Variants in SPATA13 observed in about 807,000 individuals in gnomAD.
The protein encoded by SPATA13 is spermatogenesis-associated protein 13.
SPATA13 carries 50 observed loss-of-function variants against 104.0 expected under a neutral mutation model. That is an observed-to-expected ratio of 0.48 (90% CI 0.38 to 0.61). The LOEUF (loss-of-function observed/expected upper bound fraction) is 0.61. Among genes scored for constraint, SPATA13 ranks in the 20% least tolerant of loss-of-function variants. The probability of loss-of-function intolerance (pLI) is 0.00; values close to 1 mark genes in which losing one functional copy is unlikely to be tolerated. For missense variants in SPATA13, 1,524 were observed against 1,690.6 expected (o/e 0.90, Z 1.73); for synonymous variants, 606 against 667.5 (o/e 0.91, Z 1.42).
intron 3 of SPATA13, among the ~76,000 whole-genome samples, chr13:24,102,147 T>G (rs988918792): frequency 6.6e-6 from 1 of 152,226 alleles, no homozygotes; most frequent in Non-Finnish European, 1.5e-5. Context: ...CAGTTGTTAT[T>G]TTCTGTTTTT....
At chr13:24,014,922 G>A (rs930895582) in intron 2 of SPATA13, among the ~76,000 whole-genome samples, 1 of 125,764 alleles carries the variant, frequency 8.0e-6, no homozygotes, top group East Asian at 2.2e-4. Context: ...ACAGAGTCTC[G>A]CTGTGTCGCC....
At position 24,286,828 on chromosome 13, in the gene SPATA13, G is replaced by A. The variant is rs528255708; in HGVS notation, c.2545G>A (p.Glu849Lys). 6.8e-6 allele frequency: 11 copies of A among 1,613,682 alleles called. No individual in the cohort carries two copies. In the East Asian group the frequency reaches 8.9e-5, roughly 13 times the overall value. Residue 849 changes from glutamate to lysine, a missense_variant, in exon 7 of 13, where the codon GAG (glutamate) becomes AAG (lysine). Coordinates refer to ENST00000382108, the MANE Select transcript of SPATA13 (RefSeq NM_001166271.3). The surrounding 1 kb of genome is among the most constrained non-coding windows in gnomAD (Gnocchi z 4.9). ...CAGCACCCCCAGTGAGGAGCAGGACGAGGAGGCCAGCCAGAGCCGCCACAG... is the reference window on the plus strand; with the variant it reads ...CAGCACCCCCAGTGAGGAGCAGGACAAGGAGGCCAGCCAGAGCCGCCACAG... Reference protein sequence around the residue: ...SSSTPSEEQDEEASQSRHRHC... With the variant: ...SSSTPSEEQDKEASQSRHRHC...
At chr13:24,256,459 C>A (rs1362603770) in intron 4 of SPATA13, among the ~76,000 whole-genome samples, 1 of 152,016 alleles carries the variant, frequency 6.6e-6, no homozygotes, top group African/African-American at 2.4e-5. Context: ...AAATATTGTA[C>A]AATTATTATG....
intron 3 of SPATA13, among the ~76,000 whole-genome samples, chr13:24,155,498 G>A (rs980624588): frequency 4.6e-5 from 7 of 152,082 alleles, no homozygotes; most frequent in African/African-American, 7.2e-5. Context: ...ACACACTCTC[G>A]GTGCCTAGAT....
At chr13:24,034,938 ACTC>A (rs1204792598) in intron 3 of SPATA13, 1 of 152,050 alleles carries the variant, frequency 6.6e-6, no homozygotes, top group Non-Finnish European at 1.5e-5. Flanking sequence ...CGGAAGATAA[ACTC>A]CACCTCTCAA....
chr13:24,186,497 G>A (rs943310356), intron 1 of SPATA13, among the ~76,000 whole-genome samples: 9 of 152,184 alleles, frequency 5.9e-5, no homozygotes, highest in Non-Finnish European at 1.2e-4. Flanking sequence ...CTAAATCCCA[G>A]AAACGAATAA....
At chr13:24,156,793 C>T (rs1882269298), upstream of SPATA13, among the ~76,000 whole-genome samples, 1 of 152,180 alleles carries the variant, frequency 6.6e-6, no homozygotes, top group Non-Finnish European at 1.5e-5. Flanking sequence ...AGGAGCCGGT[C>T]AAAGTGAGGT....
intron 2 of SPATA13, among the ~76,000 whole-genome samples, chr13:24,009,364 AG>A (rs1876369983): frequency 6.6e-6 from 1 of 152,244 alleles, no homozygotes; most frequent in Non-Finnish European, 1.5e-5. Context: ...AAATATTTGA[AG>A]GGATTCATTC....
At chr13:24,077,939 C>T (rs933866423) in intron 3 of SPATA13, among the ~76,000 whole-genome samples, 6 of 152,108 alleles carry the variant, frequency 3.9e-5, no homozygotes, top group African/African-American at 1.4e-4. Flanking sequence ...CCCTGTCCCA[C>T]CCCAGGCTTG....
intron 3 of SPATA13, among the ~76,000 whole-genome samples, chr13:24,104,208 G>A (rs536216700): frequency 6.6e-6 from 1 of 151,592 alleles, no homozygotes; most frequent in African/African-American, 2.4e-5. Context: ...TGAACCGTTT[G>A]GATTTGTTGA....
chr13:24,136,266 C>T (rs1332961858), intron 3 of SPATA13, among the ~76,000 whole-genome samples: 1 of 152,106 alleles, frequency 6.6e-6, no homozygotes, highest in Non-Finnish European at 1.5e-5. Flanking sequence ...CACCTGAGGT[C>T]GGGAGTTTGA....
intron 3 of SPATA13, among the ~76,000 whole-genome samples, chr13:24,152,543 C>T (rs1022775013): frequency 4.6e-5 from 7 of 152,370 alleles, no homozygotes; most frequent in Middle Eastern, 3.4e-3. Context: ...AGCGGGTGTT[C>T]TATGCCAGTG....
Position 24,251,269 on chromosome 13 carries a change from A to G in SPATA13, c.2020-449A>G, listed in dbSNP as rs1873462162. Among the ~76,000 whole-genome samples the G allele has an allele frequency of 2.6e-5, 4 of 152,290 alleles. No individual in the cohort carries two copies. The South Asian group carries it at 8.3e-4, about 32-fold the overall frequency. On this transcript the variant is annotated intron_variant, in intron 3 of 12. Coordinates refer to ENST00000382108, the MANE Select transcript of SPATA13 (RefSeq NM_001166271.3). Reference sequence around the variant, plus strand: ...GCTCTGTGTCGGTGGGGAGGAGTAAATGAGGCTGAAGAAGGATGTGAGGAT... The same window carrying G: ...GCTCTGTGTCGGTGGGGAGGAGTAAGTGAGGCTGAAGAAGGATGTGAGGAT...
At chr13:24,201,500 G>A (rs1352129461) in intron 1 of SPATA13, among the ~76,000 whole-genome samples, 1 of 152,078 alleles carries the variant, frequency 6.6e-6, no homozygotes, top group African/African-American at 2.4e-5. Context: ...GAGTGCAGTG[G>A]TGCAATCTTG....
chr13:24,139,043 A>G (rs1161455679), intron 3 of SPATA13, among the ~76,000 whole-genome samples: 2 of 152,202 alleles, frequency 1.3e-5, no homozygotes, highest in Non-Finnish European at 2.9e-5. Flanking sequence ...ATTCTCTCAC[A>G]CTTTGGGACG....
chr13:24,197,991 C>CGTGT (rs112656200), intron 1 of SPATA13, among the ~76,000 whole-genome samples: 6,902 of 151,860 alleles, frequency 0.045, 543 homozygotes, highest in African/African-American at 0.15. Context: ...CCTGTTACCT[C>CGTGT]GTGTTTGTTT....
rs534136111 is a variant in SPATA13, at chr13:24,161,538, G to C, written c.-112+606G>C. Among the ~76,000 whole-genome samples the C allele has an allele frequency of 1.3e-5, 2 of 152,318 alleles. No homozygotes were observed. Among genetic ancestry groups the C allele is most frequent in the East Asian group, 3.9e-4 (2 of 5,170 alleles). ...GGCGGAGTTGGTTTGGTCCCATTCT[G>C]TGCAGGAGGTGGGGGAATTGGTACT... On this transcript the variant is annotated intron_variant, in intron 1 of 12. Coordinates refer to ENST00000382108, the MANE Select transcript of SPATA13 (RefSeq NM_001166271.3). This position sits in a 1 kb window ranked among gnomAD's most constrained non-coding sequence, Gnocchi z 4.5.
chr13:23,990,914 G>A (rs904495280), intron 2 of SPATA13, among the ~76,000 whole-genome samples: 3 of 152,232 alleles, frequency 2.0e-5, no homozygotes, highest in African/African-American at 7.2e-5. Context: ...GACCCTGAGT[G>A]TCTTCCCCAC....
At chr13:24,299,630 C>T (rs1350026682) in intron 11 of SPATA13, among the ~76,000 whole-genome samples, 3 of 152,260 alleles carry the variant, frequency 2.0e-5, no homozygotes, top group Middle Eastern at 3.4e-3. Flanking sequence ...GAGGGAGCCT[C>T]GGGAGCGAGC....
Sources: gnomAD v4.1 joint callset for allele counts (sites outside exome capture counted in the v4.1 genomes callset) on GRCh38, gnomAD v4.1.1 for gene constraint, Gnocchi (gnomAD v3.1) non-coding constraint, MANE v1.5 for transcripts, NCBI Gene and HGNC (gene_info 2026-07-23, HGNC 2026-07-21) for gene names.